Variants in RRP1 observed in about 807,000 individuals in gnomAD.
RRP1 encodes ribosomal RNA processing 1.
A neutral mutation model predicts 54.6 loss-of-function variants in RRP1; 37 were observed. The observed-to-expected ratio is 0.68, with a 90% CI of 0.52 to 0.89. The LOEUF (loss-of-function observed/expected upper bound fraction) is 0.89, where lower values mean the gene tolerates loss of function less well. RRP1 is among the 40% of genes least tolerant of loss of function. The probability of loss-of-function intolerance (pLI) is 0.00; values close to 1 mark genes in which losing one functional copy is unlikely to be tolerated. For missense variants in RRP1, 639 were observed against 612.5 expected (o/e 1.04, Z -0.46); for synonymous variants, 262 against 244.3 (o/e 1.07, Z -0.67).
intron 3 of RRP1, chr21:43,792,960 A>G: frequency 1.7e-6 from 1 of 582,140 alleles, no homozygotes; most frequent in Non-Finnish European, 3.0e-6. Flanking sequence ...CTAATGGGCT[A>G]ATATCTTACA....
At chr21:43,802,699 C>T (rs1286267652) in intron 12 of RRP1, among the ~76,000 whole-genome samples, 2 of 152,206 alleles carry the variant, frequency 1.3e-5, no homozygotes, top group African/African-American at 4.8e-5. Flanking sequence ...ATCCAAGCCC[C>T]GTCCGCTCCT....
intron 4 of RRP1, among the ~76,000 whole-genome samples, chr21:43,794,257 C>T (rs1271117041): frequency 6.6e-6 from 1 of 152,156 alleles, no homozygotes; most frequent in African/African-American, 2.4e-5. Context: ...GCCAGGGGCC[C>T]GGCCATGCAC....
At chr21:43,801,905 C>G (rs942717551) in intron 11 of RRP1, among the ~76,000 whole-genome samples, 2 of 152,134 alleles carry the variant, frequency 1.3e-5, no homozygotes, top group African/African-American at 4.8e-5. Context: ...GGGAAATGCT[C>G]GTCGCAGTGT....
At position 43,797,893 on chromosome 21, in the gene RRP1, G is replaced by A. The variant is rs1305320225; in HGVS notation, c.618-14G>A. ...ATAACGGGCCTGCTCACCGGCCTCT[G>A]CTCTGCCCCTCAGTTCCTTGGTTTT... On this transcript the variant is annotated splice_polypyrimidine_tract_variant and intron_variant, in intron 7 of 12. Coordinates refer to ENST00000497547, the MANE Select transcript of RRP1 (RefSeq NM_003683.6). 6.2e-7 allele frequency: 1 copy of A among 1,610,168 alleles called. No individual in the cohort carries two copies. The highest frequency in any genetic ancestry group is 1.7e-5 in the Admixed American group (1 of 59,880).
chr21:43,790,169 C>T (rs1045899096), intron 1 of RRP1, among the ~76,000 whole-genome samples: 2 of 152,236 alleles, frequency 1.3e-5, no homozygotes, highest in Admixed American at 6.5e-5. Flanking sequence ...CTCGAGAGTA[C>T]CTCTCTGAGG....
At chr21:43,790,823 A>G in intron 1 of RRP1, 1 of 349,844 alleles carries the variant, frequency 2.9e-6, no homozygotes, top group Middle Eastern at 7.6e-4. Flanking sequence ...TCCTGGCCTC[A>G]AGTGATCCTG....
chr21:43,800,925 G>A lies in RRP1; in HGVS notation c.1009+44G>A, dbSNP rs768972164. 12 of 1,607,652 alleles carry A rather than the reference G, an allele frequency of 7.5e-6. No homozygotes were observed. The South Asian group carries it at 1.3e-4, about 18-fold the overall frequency. ...CTGACAGTGGCACCACCTTGGAGGT[G>A]GAGCTCCATCCTCGTGGGAGTGGTT... On this transcript the variant is annotated intron_variant, in intron 11 of 12. Transcript: ENST00000497547.
At chr21:43,803,150 C>G (rs902579256) in intron 12 of RRP1, among the ~76,000 whole-genome samples, 3 of 152,272 alleles carry the variant, frequency 2.0e-5, no homozygotes, top group African/African-American at 7.2e-5. Context: ...CTCTTTGTAG[C>G]CGGCCCTTGG....
chr21:43,793,206 A>C, intron 3 of RRP1, 113 bp from the exon 4 acceptor site: 1 of 896,410 alleles, frequency 1.1e-6, no homozygotes, highest in South Asian at 1.5e-5. Context: ...CCTGGGCATC[A>C]GCATTTTTTA....
At chr21:43,803,368 TG>T in intron 12 of RRP1, 143 bp from the exon 13 acceptor site, 1 of 1,172,942 alleles carries the variant, frequency 8.5e-7, no homozygotes, top group Non-Finnish European at 1.2e-6. Context: ...GCGCCCACAC[TG>T]GACACGGGAT....
At chr21:43,791,461 C>T (rs574833026) in intron 2 of RRP1, 29 bp downstream of exon 2, 3 of 1,605,744 alleles carry the variant, frequency 1.9e-6, no homozygotes, top group Admixed American at 1.7e-5. Context: ...AGAGCAGGTA[C>T]AGAAGCAGCG....
intron 8 of RRP1, among the ~76,000 whole-genome samples, chr21:43,798,940 C>T (rs1601872237): frequency 6.6e-6 from 1 of 151,516 alleles, no homozygotes; most frequent in South Asian, 2.1e-4. Flanking sequence ...CCCGGCCACC[C>T]TGTATGCTTC....
intron 4 of RRP1, among the ~76,000 whole-genome samples, chr21:43,794,458 G>A (rs902298630): frequency 1.4e-4 from 22 of 152,194 alleles, no homozygotes; most frequent in African/African-American, 4.8e-4. Flanking sequence ...CGGTGGCACC[G>A]CAGGGTGTTG....
In RRP1 at chr21:43,797,962, G is replaced by T. The variant is rs773617935; in HGVS notation, c.673G>T (p.Ala225Ser). 42 of 1,614,056 alleles carry T rather than the reference G, an allele frequency of 2.6e-5. No individual in the cohort carries two copies. The African/African-American group carries it at 4.7e-4, about 18-fold the overall frequency. The part of the protein sequence containing the change: ...RGIFETIVEQ[A>S]PLAIEDLLNE... Reference sequence around the variant, plus strand: ...CATCTTTGAGACGATTGTGGAGCAGGCCCCGCTTGCCATTGAAGACCTCCT... The same window carrying T: ...CATCTTTGAGACGATTGTGGAGCAGTCCCCGCTTGCCATTGAAGACCTCCT... The change falls in exon 8 of 13, where the codon GCC becomes TCC. Residue 225 changes from alanine (A) to serine (S), a missense_variant. Coordinates refer to ENST00000497547, the MANE Select transcript of RRP1 (RefSeq NM_003683.6).
intron 2 of RRP1, among the ~76,000 whole-genome samples, chr21:43,791,800 G>A (rs1281492984): frequency 6.6e-6 from 1 of 152,124 alleles, no homozygotes; most frequent in Non-Finnish European, 1.5e-5. Flanking sequence ...CACCGCGCCC[G>A]GCCTGGTCAA....
Position 43,789,742 on chromosome 21 carries a change from C to T in RRP1, c.113C>T (p.Ala38Val), listed in dbSNP as rs1349942219. Residue 38 changes from alanine (A) to valine (V), a missense_variant, in exon 1 of 13, where the codon GCC (alanine) becomes GTC (valine). Coordinates refer to ENST00000497547, the MANE Select transcript of RRP1 (RefSeq NM_003683.6). The stretch of plus-strand genomic sequence containing the variant: ...AGGAAGCTCCGGAAATACATCGTCG[C>T]CAGGACTCAGCGGGCCGCAGGTTGG... ...AVRKLRKYIV[A>V]RTQRAAGGFT... 1 of 1,529,464 alleles carries T rather than the reference C, an allele frequency of 6.5e-7. No individual in the cohort carries two copies. Among genetic ancestry groups the T allele is most frequent in the South Asian group, 1.2e-5 (1 of 82,408 alleles). 94.7% of individuals were successfully genotyped at this position (1,529,464 alleles called of 1,614,324 possible). A position where few individuals can be genotyped will look rare whatever the true frequency, so the allele number is the denominator to read the frequency against.
intron 2 of RRP1, 27 bp from the exon 3 acceptor site, chr21:43,792,645 A>G (rs1286371057): frequency 6.2e-7 from 1 of 1,613,568 alleles, no homozygotes; most frequent in Non-Finnish European, 8.5e-7. Flanking sequence ...TCAGGGGCTG[A>G]GGGCGTTTTT....
chr21:43,794,748 C>T (rs1046732599), intron 4 of RRP1, among the ~76,000 whole-genome samples: 1 of 152,200 alleles, frequency 6.6e-6, no homozygotes, highest in Non-Finnish European at 1.5e-5. Context: ...GAGCTACATT[C>T]TGCCCGTTGC....
chr21:43,796,468 C>T (rs2085019245), intron 5 of RRP1, among the ~76,000 whole-genome samples: 1 of 151,958 alleles, frequency 6.6e-6, no homozygotes, highest in African/African-American at 2.4e-5. Context: ...TGGAAGACCT[C>T]GGTGCCTTCC....
Sources: gnomAD v4.1 joint callset for allele counts (sites outside exome capture counted in the v4.1 genomes callset) on GRCh38, gnomAD v4.1.1 for gene constraint, MANE v1.5 for transcripts, NCBI Gene and HGNC (gene_info 2026-07-23, HGNC 2026-07-21) for gene names.